ZCWPW2: variants seen among roughly 807,000 people sequenced by gnomAD.
ZCWPW2 encodes the protein zinc finger CW-type and PWWP domain containing 2.
Under a neutral mutation model 46.6 loss-of-function variants are expected in ZCWPW2, and 45 were observed. The ratio of observed to expected loss-of-function variants is 0.96; its 90% CI spans 0.76 to 1.24. ZCWPW2 has a LOEUF of 1.24. Ranked by LOEUF, ZCWPW2 falls within the 50% of genes most tolerant of loss-of-function variation. ZCWPW2 has a pLI of 0.00. For synonymous variants in ZCWPW2, 152 were observed against 137.1 expected, an observed-to-expected ratio of 1.11 and a Z score of -0.76; for missense variants, 429 against 403.9, an observed-to-expected ratio of 1.06 and a Z score of -0.53.
intron 1 of ZCWPW2, among the ~76,000 whole-genome samples, chr3:28,382,729 G>T (rs369705928): frequency 1.3e-5 from 2 of 152,086 alleles, no homozygotes; most frequent in African/African-American, 4.8e-5. Context: ...TGATAGGAAA[G>T]CTGGATCCTT....
At position 28,452,450 on chromosome 3, in the gene ZCWPW2, C is replaced by T. The variant is rs971764916; in HGVS notation, c.492+17181C>T. 3.9e-5 allele frequency among the ~76,000 whole-genome samples: 6 copies of T among 152,028 alleles called. 1 individual carries two copies. Among genetic ancestry groups the T allele is most frequent in the South Asian group, 4.2e-4 (2 of 4,814 alleles). ...AGCAGGGATTACAGGTGCCTGCCAC[C>T]GTGCCTGGCTAATTTTTGTAGTTTT... On this transcript the variant is annotated intron_variant, in intron 4 of 9. Transcript: ENST00000383768.
In ZCWPW2 at chr3:28,509,957, T is replaced by G. The variant is rs148472230; in HGVS notation, c.658-4107T>G. Among the ~76,000 whole-genome samples the G allele has an allele frequency of 3.5e-3, 540 of 152,310 alleles. 2 individuals carry two copies. The highest frequency in any genetic ancestry group is 0.012 in the African/African-American group (516 of 41,582). On this transcript the variant is annotated intron_variant, in intron 6 of 9. Transcript: ENST00000383768. ...GAGTTGTAAGTTTTATCTCTAACGT[T>G]TACATTTTTGGTCCATTTTAACTTT...
At chr3:28,517,520 A>G (rs929417747) in intron 8 of ZCWPW2, among the ~76,000 whole-genome samples, 1 of 152,178 alleles carries the variant, frequency 6.6e-6, no homozygotes, top group African/African-American at 2.4e-5. Flanking sequence ...CACTATCACC[A>G]GGACAGTACC....
chr3:28,406,605 T>G (rs1696170672), intron 2 of ZCWPW2, among the ~76,000 whole-genome samples: 1 of 149,992 alleles, frequency 6.7e-6, no homozygotes, highest in African/African-American at 2.4e-5. Flanking sequence ...AGTATCTTAT[T>G]TTTTGTGATA....
intron 5 of ZCWPW2, among the ~76,000 whole-genome samples, chr3:28,482,307 G>A (rs989065380): frequency 5.9e-5 from 9 of 152,024 alleles, no homozygotes; most frequent in Non-Finnish European, 1.2e-4. Flanking sequence ...AGTTTCTTCC[G>A]TGTATTTGCA....
At chr3:28,420,241 T>G (rs949530433) in intron 3 of ZCWPW2, among the ~76,000 whole-genome samples, 2 of 152,130 alleles carry the variant, frequency 1.3e-5, no homozygotes, top group Non-Finnish European at 2.9e-5. Context: ...AGGGTGTCAG[T>G]TTTAGATCTT....
intron 3 of ZCWPW2, chr3:28,427,943 G>T (rs1364337686): frequency 6.6e-6 from 1 of 152,090 alleles, no homozygotes; most frequent in Non-Finnish European, 1.5e-5. Context: ...TGGATTGGTT[G>T]CTTTTAAAAT....
chr3:28,464,538 A>G (rs951318035), intron 4 of ZCWPW2, among the ~76,000 whole-genome samples: 1 of 152,210 alleles, frequency 6.6e-6, no homozygotes, highest in African/African-American at 2.4e-5. Flanking sequence ...AAATACTTCA[A>G]GCCCAGAGAG....
At chr3:28,398,984 C>T (rs755801363) in intron 2 of ZCWPW2, among the ~76,000 whole-genome samples, 1 of 152,120 alleles carries the variant, frequency 6.6e-6, no homozygotes, top group Non-Finnish European at 1.5e-5. Context: ...ACTCTACAGG[C>T]GGGGAACAAG....
chr3:28,439,349 C>T (rs1697651971), intron 4 of ZCWPW2, among the ~76,000 whole-genome samples: 1 of 151,876 alleles, frequency 6.6e-6, no homozygotes, highest in Admixed American at 6.6e-5. Flanking sequence ...GAGGCTAGGC[C>T]AGTCTCTCCT....
chr3:28,413,444 T>A lies in ZCWPW2; in HGVS notation c.332+44T>A, dbSNP rs779948741. 3 of 1,486,280 alleles carry A rather than the reference T, an allele frequency of 2.0e-6. No homozygotes were observed. In the East Asian group the frequency reaches 6.9e-5, roughly 34 times the overall value. The allele number at this position is 1,486,280 out of a possible 1,614,324, so 92.1% of individuals were successfully genotyped here. A position where few individuals can be genotyped will look rare whatever the true frequency, so the allele number is the denominator to read the frequency against. Reference sequence around the variant, plus strand: ...TATGACTTTTGAAATGTAGTCTTGCTAGGTTTATGAATATTAAAAATCTTT... The same window carrying A: ...TATGACTTTTGAAATGTAGTCTTGCAAGGTTTATGAATATTAAAAATCTTT... On this transcript the variant is annotated intron_variant, in intron 3 of 9. Coordinates refer to ENST00000383768, the MANE Select transcript of ZCWPW2 (RefSeq NM_001040432.4).
chr3:28,352,500 A>T (rs1439625760), intron 1 of ZCWPW2, among the ~76,000 whole-genome samples: 1 of 151,898 alleles, frequency 6.6e-6, no homozygotes, highest in Non-Finnish European at 1.5e-5. Flanking sequence ...CTAAATCTTG[A>T]TAGTGGTGTT....
intron 4 of ZCWPW2, among the ~76,000 whole-genome samples, chr3:28,472,399 G>A (rs751867365): frequency 6.6e-6 from 1 of 152,026 alleles, no homozygotes; most frequent in Non-Finnish European, 1.5e-5. Context: ...TGGAACAAAT[G>A]GAGAATGCAG....
At chr3:28,352,167 C>CGAGA (rs1553627187) in intron 1 of ZCWPW2, among the ~76,000 whole-genome samples, 12 of 147,616 alleles carry the variant, frequency 8.1e-5, no homozygotes, top group Admixed American at 3.4e-4. Context: ...CACACACACA[C>CGAGA]GAGAGAGAAT....
chr3:28,373,442 A>G (rs1395639310), intron 1 of ZCWPW2, among the ~76,000 whole-genome samples: 2 of 150,994 alleles, frequency 1.3e-5, no homozygotes, highest in African/African-American at 4.9e-5. Flanking sequence ...CCTATTGGCC[A>G]TTTGTATGTT....
intron 6 of ZCWPW2, among the ~76,000 whole-genome samples, chr3:28,505,629 A>C (rs1396779139): frequency 6.6e-6 from 1 of 152,100 alleles, no homozygotes; most frequent in Non-Finnish European, 1.5e-5. Context: ...TCCTTATTCT[A>C]AGCAGATTTT....
In ZCWPW2 at chr3:28,480,448, A is replaced by G. The variant is rs117875479; in HGVS notation, c.610+1517A>G. Among the ~76,000 whole-genome samples the G allele has an allele frequency of 4.0e-5, 6 of 151,842 alleles. No homozygotes were observed. In the East Asian group the frequency reaches 1.2e-3, roughly 29 times the overall value. ...GTGAACTTGTTTAAGTTCCCTATAG[A>G]TGGTGGATATTAGACCTTTGTCAGA... On this transcript the variant is annotated intron_variant, in intron 5 of 9. Transcript: ENST00000383768.
intron 1 of ZCWPW2, among the ~76,000 whole-genome samples, chr3:28,380,778 T>C (rs1003692622): frequency 1.3e-5 from 2 of 151,532 alleles, no homozygotes; most frequent in Non-Finnish European, 2.9e-5. Context: ...ATTTGACCTC[T>C]GAAACATATG....
intron 2 of ZCWPW2, among the ~76,000 whole-genome samples, chr3:28,401,061 C>T (rs559269905): frequency 5.3e-5 from 8 of 152,092 alleles, no homozygotes; most frequent in African/African-American, 1.9e-4. Flanking sequence ...CGCCTGTAGT[C>T]CCAGCTACTC....
Sources: gnomAD v4.1 joint callset for allele counts (sites outside exome capture counted in the v4.1 genomes callset) on GRCh38, gnomAD v4.1.1 for gene constraint, MANE v1.5 for transcripts, NCBI Gene and HGNC (gene_info 2026-07-23, HGNC 2026-07-21) for gene names.